Variants in ACOT11 observed in about 807,000 individuals in gnomAD.
ACOT11 encodes acyl-CoA thioesterase 11.
Under a neutral mutation model 77.5 loss-of-function variants are expected in ACOT11, and 69 were observed. The ratio of observed to expected loss-of-function variants is 0.89; its 90% CI spans 0.73 to 1.09. ACOT11 has a LOEUF of 1.09. ACOT11 is among the 50% of genes least tolerant of loss of function. ACOT11 has a pLI of 0.00. For synonymous variants in ACOT11, 279 were observed against 313.0 expected (o/e 0.89, Z 1.15); for missense variants, 766 against 813.7 (o/e 0.94, Z 0.71).
At chr1:54,619,155 G>A (rs1487352478) in intron 15 of ACOT11, among the ~76,000 whole-genome samples, 1 of 152,200 alleles carries the variant, frequency 6.6e-6, no homozygotes, top group East Asian at 1.9e-4. Context: ...GGTGGGGCCA[G>A]CAGCCTGTGT....
rs111642112 is a variant in ACOT11 at position 54,617,355 on chromosome 1, C to G, written c.1629+9287C>G. 6.8e-3 allele frequency among the ~76,000 whole-genome samples: 1,027 copies of G among 152,004 alleles called. 11 individuals carry two copies. Among genetic ancestry groups the G allele is most frequent in the African/African-American group, 0.023 (950 of 41,424 alleles). ...CTTTTCTCCTGCTTTCTCCCTGACT[C>G]CTGACCATTCTTCTCACCTCTAGCA... On this transcript the variant is annotated intron_variant, in intron 15 of 16. Coordinates refer to the ACOT11 transcript ENST00000371316.
At chr1:54,627,013 C>T (rs1309432037) in intron 15 of ACOT11, among the ~76,000 whole-genome samples, 5 of 134,084 alleles carry the variant, frequency 3.7e-5, no homozygotes, top group African/African-American at 1.0e-4. Context: ...CGCACCACCA[C>T]GCTCAGCTAA....
chr1:54,618,639 T>C (rs916718762), intron 15 of ACOT11, among the ~76,000 whole-genome samples: 2 of 152,244 alleles, frequency 1.3e-5, no homozygotes, highest in African/African-American at 4.8e-5. Flanking sequence ...AGGATTTGTT[T>C]CCTGTGGCCA....
chr1:54,600,448 C>T (rs1308559940), intron 8 of ACOT11, among the ~76,000 whole-genome samples: 1 of 152,068 alleles, frequency 6.6e-6, no homozygotes, highest in Non-Finnish European at 1.5e-5. Context: ...TTTGGGAGGC[C>T]GAGGCAGGAA....
rs1397437275 is a variant in ACOT11, at chr1:54,607,216, C to T, written c.1453C>T (p.Pro485Ser). Residue 485 changes from proline to serine, a missense_variant, in exon 14 of 16, where the codon CCC becomes TCC. Coordinates refer to ENST00000343744, the MANE Select transcript of ACOT11 (RefSeq NM_147161.4). The surrounding 1 kb of genome is among the most constrained non-coding windows in gnomAD (Gnocchi z 4.5). ...TSPALGGHTK[P>S]QDFVILASRR... ...CCCTGCCCTCGGAGGTCACACAAAG[C>T]CCCAGGACTTCGTGATCCTGGCCTC... The T allele has an allele frequency of 2.5e-6, 4 of 1,614,194 alleles. No homozygotes were observed. The highest frequency in any genetic ancestry group is 2.7e-5 in the African/African-American group (2 of 75,060).
intron 1 of ACOT11, among the ~76,000 whole-genome samples, chr1:54,553,471 A>G (rs976687098): frequency 6.6e-6 from 1 of 151,648 alleles, no homozygotes; most frequent in African/African-American, 2.4e-5. Flanking sequence ...CTGTCTCAAA[A>G]AAACATTAAA....
chr1:54,576,742 G>A (rs1288380400), intron 1 of ACOT11, among the ~76,000 whole-genome samples: 2 of 152,176 alleles, frequency 1.3e-5, no homozygotes, highest in African/African-American at 4.8e-5. Context: ...GATTAATTTT[G>A]TGAGGATGGC....
chr1:54,619,468 A>G (rs17395160), intron 15 of ACOT11, among the ~76,000 whole-genome samples: 26,426 of 152,182 alleles, frequency 0.17, 2,741 homozygotes, highest in Non-Finnish European at 0.23. Flanking sequence ...TGGTAGTCCC[A>G]GGAGAACCTG....
chr1:54,566,365 G>A (rs1361149439), intron 1 of ACOT11, among the ~76,000 whole-genome samples: 6 of 151,320 alleles, frequency 4.0e-5, no homozygotes, highest in Non-Finnish European at 5.9e-5. Context: ...GCTGAGGCAC[G>A]AGAATCGCTA....
chr1:54,579,442 C>T (rs949240744), intron 1 of ACOT11, among the ~76,000 whole-genome samples: 2 of 151,820 alleles, frequency 1.3e-5, no homozygotes, highest in Non-Finnish European at 2.9e-5. Context: ...GGGAATAGGC[C>T]AAAAGAGGAG....
chr1:54,613,122 G>A (rs532455289), downstream of ACOT11, among the ~76,000 whole-genome samples: 14 of 152,196 alleles, frequency 9.2e-5, no homozygotes, highest in South Asian at 2.7e-3. Context: ...GCTCACACCT[G>A]TAATCCCAGC....
At chr1:54,589,722 A>G (rs1654638661) in intron 3 of ACOT11, among the ~76,000 whole-genome samples, 1 of 152,096 alleles carries the variant, frequency 6.6e-6, no homozygotes, top group South Asian at 2.1e-4. Context: ...CCTAGCTTCA[A>G]GTGATCCTCC....
intron 1 of ACOT11, among the ~76,000 whole-genome samples, chr1:54,557,377 G>C (rs1228771079): frequency 9.4e-6 from 1 of 106,808 alleles, no homozygotes; most frequent in Non-Finnish European, 1.8e-5. Context: ...GAGTGACAGA[G>C]AAAGATTCCA....
Position 54,573,886 on chromosome 1 carries a change from G to A in ACOT11, c.34-10769G>A, listed in dbSNP as rs542211341. ...CTCTACTAAATACAAAAAATTAGCC[G>A]GGCGTGATGGCGCATGCCTGTAATC... On this transcript the variant is annotated intron_variant, in intron 1 of 15. Coordinates refer to ENST00000343744, the MANE Select transcript of ACOT11 (RefSeq NM_147161.4). Among the ~76,000 whole-genome samples, 5 of 151,468 alleles carry A rather than the reference G, an allele frequency of 3.3e-5. No individual in the cohort carries two copies. In the South Asian group the frequency reaches 6.3e-4, roughly 19 times the overall value.
chr1:54,632,446 G>C (rs541650832), intron 16 of ACOT11, among the ~76,000 whole-genome samples: 1 of 152,338 alleles, frequency 6.6e-6, no homozygotes, highest in East Asian at 1.9e-4. Context: ...TCTAGTGTAA[G>C]TTTAAAAGGT....
At chr1:54,615,415 G>A (rs1468141644) in intron 15 of ACOT11, among the ~76,000 whole-genome samples, 4 of 152,148 alleles carry the variant, frequency 2.6e-5, no homozygotes, top group Non-Finnish European at 5.9e-5. Flanking sequence ...AAAGAGAGGC[G>A]TGGCATGACA....
At chr1:54,552,142 C>T (rs1050720479) in intron 1 of ACOT11, among the ~76,000 whole-genome samples, 1 of 152,048 alleles carries the variant, frequency 6.6e-6, no homozygotes, top group African/African-American at 2.4e-5. Flanking sequence ...CCCTGAGGTC[C>T]CCACCAGCCT....
chr1:54,616,687 T>C (rs1000687442), intron 15 of ACOT11, among the ~76,000 whole-genome samples: 26 of 152,194 alleles, frequency 1.7e-4, no homozygotes, highest in African/African-American at 6.3e-4. Context: ...GCATAGTTTT[T>C]ACACAGTTGA....
rs1377558780 is a variant in ACOT11 at position 54,584,628 on chromosome 1, C to T, written c.34-27C>T. 1 of 1,600,954 alleles carries T rather than the reference C, an allele frequency of 6.2e-7. No individual in the cohort carries two copies. The highest frequency in any genetic ancestry group is 8.5e-7 in the Non-Finnish European group (1 of 1,174,838). Reference sequence around the variant, plus strand: ...CCCTGCAGCAAGCAGACCTCTCTGTCCCCACCTGTCCCCACCTGTACCCCA... The same window carrying T: ...CCCTGCAGCAAGCAGACCTCTCTGTTCCCACCTGTCCCCACCTGTACCCCA... On this transcript the variant is annotated intron_variant, in intron 1 of 15. Coordinates refer to ENST00000343744, the MANE Select transcript of ACOT11 (RefSeq NM_147161.4). The surrounding 1 kb of genome is among the most constrained non-coding windows in gnomAD (Gnocchi z 6.3).
Sources: allele counts gnomAD v4.1 joint callset (sites outside exome capture counted in the v4.1 genomes callset), GRCh38; gene constraint gnomAD v4.1.1; non-coding constraint Gnocchi (gnomAD v3.1); transcripts MANE v1.5; gene names NCBI Gene and HGNC (gene_info 2026-07-23, HGNC 2026-07-21).